The following PRR36 variants were observed in gnomAD, a reference collection of about 807,000 sequenced individuals.
PRR36 encodes the protein proline-rich protein 36.
In PRR36, 30 loss-of-function variants were observed where a neutral mutation model predicts 58.6. The ratio of observed to expected loss-of-function variants is 0.51; its 90% CI spans 0.38 to 0.69. The LOEUF is 0.69. PRR36 is among the 30% of genes least tolerant of loss of function. The pLI, the probability that PRR36 is intolerant of heterozygous loss-of-function variation, is 0.00. For missense variants in PRR36, 1,692 were observed against 1,805.6 expected (o/e 0.94, Z 1.14); for synonymous variants, 771 against 829.3 (o/e 0.93, Z 1.21).
At position 7,872,156 on chromosome 19, in the gene PRR36, G is replaced by T. The variant is rs1189780949; in HGVS notation, c.1088C>A (p.Thr363Asn). 2 of 1,486,970 alleles carry T rather than the reference G, an allele frequency of 1.3e-6. No homozygotes were observed. The highest frequency in any genetic ancestry group is 1.8e-6 in the Non-Finnish European group (2 of 1,121,892). The allele number at this position is 1,486,970 out of a possible 1,614,324, so 92.1% of individuals were successfully genotyped here. ...AGGAAGGGGCGTGGCCAACTGACAGGTAAGGCTCGACGAGTGGGGCGTGGC... is the reference window on the plus strand; with the variant it reads ...AGGAAGGGGCGTGGCCAACTGACAGTTAAGGCTCGACGAGTGGGGCGTGGC... The part of the protein sequence containing the change: ...LPATPHSSSL[T>N]CQLATPLPLA... Residue 363 changes from threonine (T) to asparagine (N), a missense_variant, in exon 5 of 6, where the codon ACC becomes AAC. Transcript: ENST00000618550. The surrounding 1 kb of genome is among the most constrained non-coding windows in gnomAD (Gnocchi z 6.1).
Position 7,868,863 on chromosome 19 carries a change from T to C in PRR36, c.*170A>G, listed in dbSNP as rs1472460287. 5 of 727,624 alleles carry C rather than the reference T, an allele frequency of 6.9e-6. No homozygotes were observed. The highest frequency in any genetic ancestry group is 2.2e-5 in the South Asian group (1 of 44,660). 45.1% of individuals were successfully genotyped at this position (727,624 alleles called of 1,614,324 possible). A position where few individuals can be genotyped will look rare whatever the true frequency, so the allele number is the denominator to read the frequency against. ...GAGGGGCGGGCCTAGGTCAAAGCTG[T>C]GGGTAGGTCCCGAGCCTCCGAGGCC... On this transcript the variant is annotated 3_prime_UTR_variant, in exon 6 of 6. Coordinates refer to ENST00000618550, the MANE Select transcript of PRR36 (RefSeq NM_001190467.2).
rs1269476659 is a variant in PRR36, at chr19:7,870,883, G to A, written c.2361C>T (p.Ala787=). The change falls in exon 5 of 6, where the codon GCC becomes GCT. Residue 787 remains alanine, a synonymous_variant. Transcript: ENST00000618550. The part of the protein sequence containing the change: ...TPHLETPPCP[A]PCPLQAPPSP... ...AAGGTGGTGCTTGCAGAGGGCATGGGGCTGGACAAGGTGGAGTCTCCAGAT... is the reference window on the plus strand; with the variant it reads ...AAGGTGGTGCTTGCAGAGGGCATGGAGCTGGACAAGGTGGAGTCTCCAGAT... The A allele has an allele frequency of 1.4e-6, 2 of 1,449,634 alleles. No individual in the cohort carries two copies. Among genetic ancestry groups the A allele is most frequent in the East Asian group, 2.5e-5 (1 of 40,242 alleles). The allele number at this position is 1,449,634 out of a possible 1,614,324, so 89.8% of individuals were successfully genotyped here. A position where few individuals can be genotyped will look rare whatever the true frequency, so the allele number is the denominator to read the frequency against.
rs1980572555 is a variant in PRR36 at position 7,873,626 on chromosome 19, G to A, written c.64C>T (p.Pro22Ser). The change falls in exon 2 of 6, where the codon CCT becomes TCT. Residue 22 changes from proline to serine, a missense_variant. This residue lies in a region of PRR36 where 975 missense variants were observed against 955.2 expected (regional missense o/e 1.02). Coordinates refer to ENST00000618550, the MANE Select transcript of PRR36 (RefSeq NM_001190467.2). The surrounding 1 kb of genome is among the most constrained non-coding windows in gnomAD (Gnocchi z 5.0). ...GGGGGCCTGGGGGTCAGAAGTCCAG[G>A]AGCGCGAGCAGCCGGCGTCCGCGCG... ...AAARTPAARA[P>S]GLLTPRPPGS... is the part of the protein sequence containing the mutation. 1 of 1,535,240 alleles carries A rather than the reference G, an allele frequency of 6.5e-7. No individual in the cohort carries two copies.
In PRR36 at chr19:7,869,549, G is replaced by C. The variant is rs1046739887; in HGVS notation, c.3530-5C>G. On this transcript the variant is annotated splice_polypyrimidine_tract_variant and splice_region_variant and intron_variant, in intron 5 of 5. Transcript: ENST00000618550. ...GAGGCCACGGCAGGGGCGCACCTGC[G>C]GGGAGAGACGCCAGGTGGGCCGTGG... The C allele has an allele frequency of 1.3e-6, 2 of 1,516,934 alleles. No individual in the cohort carries two copies. Among genetic ancestry groups the C allele is most frequent in the Non-Finnish European group, 1.8e-6 (2 of 1,138,608 alleles). The allele number at this position is 1,516,934 out of a possible 1,614,324, so 94.0% of individuals were successfully genotyped here.
rs1157957434 is a variant in PRR36 at position 7,869,447 on chromosome 19, G to T, written c.3627C>A (p.Ala1209=). ...ETEGPESATP[A]PGALDPGPSP... is the part of the protein sequence containing the mutation. ...TGGGCCCCGGATCCAGTGCGCCAGG[G>T]GCGGGGGTCGCCGACTCGGGCCCTT... The change falls in exon 6 of 6, where the codon GCC becomes GCA. Residue 1209 remains alanine (A), a synonymous_variant. Transcript: ENST00000618550. 6.0e-6 allele frequency: 9 copies of T among 1,503,414 alleles called. No individual in the cohort carries two copies. The highest frequency in any genetic ancestry group is 7.9e-6 in the Non-Finnish European group (9 of 1,133,160). The allele number at this position is 1,503,414 out of a possible 1,614,324, so 93.1% of individuals were successfully genotyped here. A position where few individuals can be genotyped will look rare whatever the true frequency, so the allele number is the denominator to read the frequency against.
rs1244285030 is a variant in PRR36, at chr19:7,871,915, C to T, written c.1329G>A (p.Leu443=). ...SMPPTQANPA[L]PSLPTLLSPL... is the part of the protein sequence containing the mutation. ...GAGAGAGGAGAGTCGGAAGAGAGGGCAACGCTGGATTAGCTTGGGTGGGGG... is the reference window on the plus strand; with the variant it reads ...GAGAGAGGAGAGTCGGAAGAGAGGGTAACGCTGGATTAGCTTGGGTGGGGG... The change falls in exon 5 of 6, where the codon TTG becomes TTA. Residue 443 remains leucine (L), a synonymous_variant. Coordinates refer to ENST00000618550, the MANE Select transcript of PRR36 (RefSeq NM_001190467.2). 1 of 1,535,516 alleles carries T rather than the reference C, an allele frequency of 6.5e-7. No homozygotes were observed. The highest frequency in any genetic ancestry group is 8.7e-7 in the Non-Finnish European group (1 of 1,146,826).
In PRR36 at chr19:7,869,746, G is replaced by A; in HGVS notation, c.3498C>T (p.Pro1166=). Residue 1166 remains proline (P), a synonymous_variant, in exon 5 of 6, where the codon CCC becomes CCT. Transcript: ENST00000618550. ...ACHPAAWSRG[P]APPLAFRGAP... The stretch of plus-strand genomic sequence containing the variant: ...CTCCGCGGAAAGCCAGCGGCGGAGC[G>A]GGGCCTCGACTCCAGGCAGCCGGGT... The A allele has an allele frequency of 1.5e-6, 2 of 1,348,414 alleles. No homozygotes were observed. Among genetic ancestry groups the A allele is most frequent in the Non-Finnish European group, 1.9e-6 (2 of 1,054,846 alleles). 83.5% of individuals were successfully genotyped at this position (1,348,414 alleles called of 1,614,324 possible).
At position 7,871,741 on chromosome 19, in the gene PRR36, A is replaced by G; in HGVS notation, c.1503T>C (p.Pro501=). 8 of 1,535,570 alleles carry G rather than the reference A, an allele frequency of 5.2e-6. No homozygotes were observed. Among genetic ancestry groups the G allele is most frequent in the Non-Finnish European group, 7.0e-6 (8 of 1,146,710 alleles). The change falls in exon 5 of 6, where the codon CCT becomes CCC. Residue 501 remains proline (P), a synonymous_variant. Coordinates refer to ENST00000618550, the MANE Select transcript of PRR36 (RefSeq NM_001190467.2). ...ALTTPPPQAS[P]SPSPPSLQAT... The stretch of plus-strand genomic sequence containing the variant: ...CCTGGAGAGAGGGCGGAGACGGGGA[A>G]GGACTGGCCTGCGGAGGGGGCGTGG...
rs904250911 is a variant in PRR36 at position 7,872,180 on chromosome 19, G to C, written c.1064C>G (p.Ala355Gly). ...LQSQAPPTLP[A>G]TPHSSSLTCQ... ...GGTAAGGCTCGACGAGTGGGGCGTGGCCGGCAGGGTGGGCGGGGCCTGACT... is the reference window on the plus strand; with the variant it reads ...GGTAAGGCTCGACGAGTGGGGCGTGCCCGGCAGGGTGGGCGGGGCCTGACT... Residue 355 changes from alanine to glycine, a missense_variant, in exon 5 of 6, where the codon GCC becomes GGC. Coordinates refer to ENST00000618550, the MANE Select transcript of PRR36 (RefSeq NM_001190467.2). The surrounding 1 kb of genome is among the most constrained non-coding windows in gnomAD (Gnocchi z 6.1). 1.4e-6 allele frequency: 2 copies of C among 1,470,704 alleles called. No individual in the cohort carries two copies. Among genetic ancestry groups the C allele is most frequent in the Admixed American group, 4.7e-5 (2 of 42,556 alleles). The allele number at this position is 1,470,704 out of a possible 1,614,324, so 91.1% of individuals were successfully genotyped here. A position where few individuals can be genotyped will look rare whatever the true frequency, so the allele number is the denominator to read the frequency against.
rs554543027 is a variant in PRR36, at chr19:7,870,657, G to T, written c.2587C>A (p.Pro863Thr). Residue 863 changes from proline to threonine, a missense_variant, in exon 5 of 6, where the codon CCT becomes ACT. Physicochemically the swap from Pro to Thr is conservative, Grantham distance 38. Around this residue, in one of 5 missense-constraint regions of PRR36, gnomAD observed 171 missense variants for 146.2 expected, o/e 1.17. Coordinates refer to ENST00000618550, the MANE Select transcript of PRR36 (RefSeq NM_001190467.2). Reference sequence around the variant, plus strand: ...GAGGGTGTGGCCAAAGGAGACAGAGGGGGTGAGGCAGGGGGAGAGGGAGGG... The same window carrying T: ...GAGGGTGTGGCCAAAGGAGACAGAGTGGGTGAGGCAGGGGGAGAGGGAGGG... ...QAPPSPPASP[P>T]LSPLATPSPQ... 7 of 1,367,082 alleles carry T rather than the reference G, an allele frequency of 5.1e-6. No homozygotes were observed. Among genetic ancestry groups the T allele is most frequent in the African/African-American group, 1.5e-5 (1 of 65,164 alleles). 84.7% of individuals were successfully genotyped at this position (1,367,082 alleles called of 1,614,324 possible). A position where few individuals can be genotyped will look rare whatever the true frequency, so the allele number is the denominator to read the frequency against.
chr19:7,872,946 G>A lies in PRR36; in HGVS notation c.390C>T (p.Gly130=). The stretch of plus-strand genomic sequence containing the variant: ...CCGCTGAGATCCGGAGTCCCTTCTG[G>A]CCAAGAGGGCCTGGCCTGGAGACAG... ...ASGTTRPGPL[G]QKGLRISAEE... Residue 130 remains glycine, a synonymous_variant, in exon 4 of 6, where the codon GGC becomes GGT. Coordinates refer to ENST00000618550, the MANE Select transcript of PRR36 (RefSeq NM_001190467.2). The surrounding 1 kb of genome is among the most constrained non-coding windows in gnomAD (Gnocchi z 6.1). The A allele has an allele frequency of 1.3e-6, 2 of 1,536,000 alleles. No individual in the cohort carries two copies. Among genetic ancestry groups the A allele is most frequent in the Middle Eastern group, 1.7e-4 (1 of 5,988 alleles).
At position 7,873,672 on chromosome 19, in the gene PRR36, G is replaced by A. The variant is rs2145073697; in HGVS notation, c.18C>T (p.Asp6=). The A allele has an allele frequency of 1.4e-5, 22 of 1,535,230 alleles. No homozygotes were observed. The highest frequency in any genetic ancestry group is 1.9e-5 in the Non-Finnish European group (22 of 1,146,722). The change falls in exon 2 of 6, where the codon GAC becomes GAT. Residue 6 remains aspartate (D), a synonymous_variant. Coordinates refer to ENST00000618550, the MANE Select transcript of PRR36 (RefSeq NM_001190467.2). The surrounding 1 kb of genome is among the most constrained non-coding windows in gnomAD (Gnocchi z 5.0). MDNKR[D]KAKAGAAART... ...GCGCGGCGGCCCCTGCCTTCGCCTT[G>A]TCTCTCTTGTTGTCCATCTTGCACC... is the stretch of plus-strand genomic sequence containing the variant.
chr19:7,870,229 C>A lies in PRR36; in HGVS notation c.3015G>T (p.Lys1005Asn). Reference sequence around the variant, plus strand: ...GAGCAGGTGGGGCCTGTGGAGGGGGCTTAGCCAAAGGAGACATTGGGAGTG... The same window carrying A: ...GAGCAGGTGGGGCCTGTGGAGGGGGATTAGCCAAAGGAGACATTGGGAGTG... ...PASLPMSPLA[K>N]PPPQAPPALA... Residue 1005 changes from lysine to asparagine, a missense_variant, in exon 5 of 6, where the codon AAG (lysine) becomes AAT (asparagine). Transcript: ENST00000618550. 7.5e-7 allele frequency: 1 copy of A among 1,330,506 alleles called. No individual in the cohort carries two copies. Among genetic ancestry groups the A allele is most frequent in the Non-Finnish European group, 9.5e-7 (1 of 1,050,458 alleles). The allele number at this position is 1,330,506 out of a possible 1,614,324, so 82.4% of individuals were successfully genotyped here.
Position 7,868,771 on chromosome 19 carries a change from C to T in PRR36, c.*262G>A. Reference sequence around the variant, plus strand: ...GCAAACTCAGGCTGTGCGGGGTGGGCAATACACTGCACACGGGGCGGGACT... The same window carrying T: ...GCAAACTCAGGCTGTGCGGGGTGGGTAATACACTGCACACGGGGCGGGACT... On this transcript the variant is annotated 3_prime_UTR_variant, in exon 6 of 6. Transcript: ENST00000618550. 1 of 435,322 alleles carries T rather than the reference C, an allele frequency of 2.3e-6. No homozygotes were observed. The highest frequency in any genetic ancestry group is 4.1e-6 in the Non-Finnish European group (1 of 245,290). The allele number at this position is 435,322 out of a possible 1,614,324, so 27.0% of individuals were successfully genotyped here.
Position 7,871,779 on chromosome 19 carries a change from G to T in PRR36, c.1465C>A (p.Leu489Ile). ...FPLAALPQPG[L>I]SALTTPPPQA... ...GGAGGGGGCGTGGTCAGAGCAGAAA[G>T]GCCTGGCTGAGGGAGTGCGGCCAGG... The change falls in exon 5 of 6, where the codon CTT becomes ATT. Residue 489 changes from leucine (L) to isoleucine (I), a missense_variant. Physicochemically the swap from Leu to Ile is conservative, Grantham distance 5 (BLOSUM62 2). Transcript: ENST00000618550. 1 of 1,535,912 alleles carries T rather than the reference G, an allele frequency of 6.5e-7. No homozygotes were observed. The highest frequency in any genetic ancestry group is 8.7e-7 in the Non-Finnish European group (1 of 1,146,842).
chr19:7,873,571 G>A lies in PRR36; in HGVS notation c.119C>T (p.Thr40Ile), dbSNP rs1332748015. The A allele has an allele frequency of 1.3e-6, 2 of 1,534,992 alleles. No homozygotes were observed. The highest frequency in any genetic ancestry group is 1.7e-6 in the Non-Finnish European group (2 of 1,146,738). The change falls in exon 2 of 6, where the codon ACT becomes ATT. Residue 40 changes from threonine (T) to isoleucine (I), a missense_variant. By Grantham distance (89) the Thr-to-Ile change is moderately conservative. Coordinates refer to ENST00000618550, the MANE Select transcript of PRR36 (RefSeq NM_001190467.2). This position sits in a 1 kb window ranked among gnomAD's most constrained non-coding sequence, Gnocchi z 5.0. The stretch of plus-strand genomic sequence containing the variant: ...TCCCAGAACTCGGAGGGCTGCGGGA[G>A]TTACTGGGGGAGGGGGTCGAGGAGA... Reference protein sequence around the residue: ...PGSPRPPPPVTPAALRVLGAA... With the variant: ...PGSPRPPPPVIPAALRVLGAA...
Position 7,871,180 on chromosome 19 carries a change from C to T in PRR36, c.2064G>A (p.Leu688=). ...PLSSPLTIHP[L]QALSSLASHS... is the part of the protein sequence containing the mutation. ...GGGAGGCCAGAGAAGATAGCGCCTG[C>T]AGAGGGTGTATGGTCAGGGGTGAGC... The change falls in exon 5 of 6, where the codon CTG becomes CTA. Residue 688 remains leucine, a synonymous_variant. Transcript: ENST00000618550. 1.3e-6 allele frequency: 2 copies of T among 1,530,592 alleles called. No individual in the cohort carries two copies. The highest frequency in any genetic ancestry group is 8.7e-7 in the Non-Finnish European group (1 of 1,146,190). 94.8% of individuals were successfully genotyped at this position (1,530,592 alleles called of 1,614,324 possible).
Position 7,870,757 on chromosome 19 carries a change from G to A in PRR36, c.2487C>T (p.Pro829=). The change falls in exon 5 of 6, where the codon CCC becomes CCT. Residue 829 remains proline (P), a synonymous_variant. Transcript: ENST00000618550. ...ALASPPLQGL[P]SPPLSPLATP... is the part of the protein sequence containing the mutation. ...TGGCCAAAGGAGACAGAGGGGGAGA[G>A]GGCAGGCCCTGCAAAGGGGGTGAGG... 4 of 1,405,048 alleles carry A rather than the reference G, an allele frequency of 2.8e-6. No individual in the cohort carries two copies. The highest frequency in any genetic ancestry group is 3.7e-6 in the Non-Finnish European group (4 of 1,082,752). The allele number at this position is 1,405,048 out of a possible 1,614,324, so 87.0% of individuals were successfully genotyped here.
At position 7,873,245 on chromosome 19, in the gene PRR36, G is replaced by C; in HGVS notation, c.326C>G (p.Thr109Ser). The change falls in exon 3 of 6, where the codon ACC (threonine) becomes AGC (serine). Residue 109 changes from threonine (T) to serine (S), a missense_variant. By Grantham distance (58) the Thr-to-Ser change is moderately conservative. Around this residue, in one of 5 missense-constraint regions of PRR36, gnomAD observed 975 missense variants for 955.2 expected, o/e 1.02. Coordinates refer to ENST00000618550, the MANE Select transcript of PRR36 (RefSeq NM_001190467.2). This position sits in a 1 kb window ranked among gnomAD's most constrained non-coding sequence, Gnocchi z 5.0. ...RGERAPPAKN[T>S]SPGPVSSPGR... ...TGGGCTAGAAACAGGGCCTGGGCTGGTGTTCTTGGCAGGAGGAGCTCTCTC... is the reference window on the plus strand; with the variant it reads ...TGGGCTAGAAACAGGGCCTGGGCTGCTGTTCTTGGCAGGAGGAGCTCTCTC... The C allele has an allele frequency of 1.3e-6, 2 of 1,536,030 alleles. No homozygotes were observed. Among genetic ancestry groups the C allele is most frequent in the Non-Finnish European group, 1.7e-6 (2 of 1,146,852 alleles).
Sources: gnomAD v4.1 joint callset for allele counts on GRCh38, gnomAD v4.1.1 for gene constraint, gnomAD v4.1.1 regional missense constraint, Gnocchi (gnomAD v3.1) non-coding constraint, MANE v1.5 for transcripts, NCBI Gene and HGNC (gene_info 2026-07-23, HGNC 2026-07-21) for gene names.